AQP7B: variants seen among roughly 807,000 people sequenced by gnomAD.
AQP7B encodes aquaporin 7B.
At chr2:94,594,971 G>A in the AQP7B span, 3 of 686,632 alleles carry the variant, frequency 4.4e-6, no homozygotes, top group East Asian at 8.5e-5. Context: ...TCCATTCCTT[G>A]CCTCTGAGCT....
chr2:94,601,689 C>T, the AQP7B span, among the ~76,000 whole-genome samples: 4 of 152,014 alleles, frequency 2.6e-5, no homozygotes, highest in East Asian at 1.9e-4. Flanking sequence ...TGGAGAAGGA[C>T]GCTGGGCAGG....
At chr2:94,600,694 A>G in the AQP7B span, among the ~76,000 whole-genome samples, 1 of 152,176 alleles carries the variant, frequency 6.6e-6, no homozygotes, top group Non-Finnish European at 1.5e-5. Flanking sequence ...TCTGGCCAAC[A>G]TCGTGAAACC....
chr2:94,602,652 C>A, the AQP7B span: 8 of 1,555,870 alleles, frequency 5.1e-6, no homozygotes, highest in East Asian at 2.3e-5. Context: ...TGGGCAAGAC[C>A]AGGTGTCCCC....
chr2:94,602,983 T>A, the AQP7B span: 126 of 1,534,536 alleles, frequency 8.2e-5, no homozygotes, highest in Admixed American at 1.7e-4. Flanking sequence ...ATACTGTTTG[T>A]CACTGTTGTT....
At chr2:94,596,770 G>A in the AQP7B span, among the ~76,000 whole-genome samples, 1 of 152,162 alleles carries the variant, frequency 6.6e-6, no homozygotes, top group Non-Finnish European at 1.5e-5. Flanking sequence ...TACGATCTCA[G>A]CTCACTGCAG....
chr2:94,601,835 G>A, the AQP7B span, among the ~76,000 whole-genome samples: 1 of 152,112 alleles, frequency 6.6e-6, no homozygotes, highest in Non-Finnish European at 1.5e-5. Context: ...AGGGAACAGT[G>A]GCTCTAGACT....
the AQP7B span, chr2:94,594,970 TG>T: frequency 1.4e-6 from 1 of 701,792 alleles, no homozygotes; most frequent in South Asian, 2.1e-5. Flanking sequence ...GTCCATTCCT[TG>T]CCTCTGAGCT....
At chr2:94,603,372 T>G in the AQP7B span, 1 of 1,597,756 alleles carries the variant, frequency 6.3e-7, no homozygotes, top group African/African-American at 1.3e-5. Context: ...TGATAGTCTG[T>G]GTCTCCGCAG....
the AQP7B span, among the ~76,000 whole-genome samples, chr2:94,588,787 G>A: frequency 6.6e-6 from 1 of 151,142 alleles, no homozygotes; most frequent in Non-Finnish European, 1.5e-5. Context: ...GTCAAGGCAT[G>A]CAGGTGGCCT....
chr2:94,602,018 A>T, the AQP7B span, among the ~76,000 whole-genome samples: 51 of 139,946 alleles, frequency 3.6e-4, no homozygotes, highest in East Asian at 0.011. Flanking sequence ...ATTGCGGCGG[A>T]GTGTGTGTGT....
chr2:94,593,784 C>T, the AQP7B span, among the ~76,000 whole-genome samples: 11 of 151,968 alleles, frequency 7.2e-5, no homozygotes, highest in Non-Finnish European at 1.3e-4. Context: ...CCGGGCCCAG[C>T]CCCTCTTCTT....
chr2:94,594,697 C>T, the AQP7B span: 1 of 1,337,250 alleles, frequency 7.5e-7, no homozygotes, highest in Non-Finnish European at 1.1e-6. Flanking sequence ...GGGCAGCAGG[C>T]AAACTTGAGT....
chr2:94,592,333 C>A, the AQP7B span, among the ~76,000 whole-genome samples: 1 of 152,170 alleles, frequency 6.6e-6, no homozygotes. Flanking sequence ...AACAAAACAT[C>A]TTCCACTTTT....
At chr2:94,595,796 G>A in the AQP7B span, among the ~76,000 whole-genome samples, 3 of 152,114 alleles carry the variant, frequency 2.0e-5, no homozygotes, top group African/African-American at 7.2e-5. Context: ...TCTGGAGCAC[G>A]GGGCCCAGCA....
At chr2:94,603,413 T>A in the AQP7B span, 1 of 1,609,000 alleles carries the variant, frequency 6.2e-7, no homozygotes, top group East Asian at 2.2e-5. Context: ...GGTGGAGAGC[T>A]GATGGTGACC....
the AQP7B span, chr2:94,603,269 G>C: frequency 7.2e-7 from 1 of 1,393,618 alleles, no homozygotes; most frequent in South Asian, 1.3e-5. Context: ...GTAAAAAATA[G>C]CTGGGAGAAA....
the AQP7B span, among the ~76,000 whole-genome samples, chr2:94,593,031 C>G: frequency 2.0e-5 from 3 of 151,862 alleles, no homozygotes; most frequent in South Asian, 6.2e-4. Context: ...TTTTGTCATA[C>G]TGCCCAGGCT....
chr2:94,604,355 A>G, the AQP7B span: 18 of 1,611,384 alleles, frequency 1.1e-5, no homozygotes, highest in Admixed American at 1.7e-5. Flanking sequence ...AGGTGGCATC[A>G]TCTACCTGGT....
chr2:94,603,298 C>T, the AQP7B span: 22 of 1,459,318 alleles, frequency 1.5e-5, no homozygotes, highest in Middle Eastern at 1.8e-4. Flanking sequence ...GGAGCTCCCC[C>T]ACCCTCTAAC....
Sources: gnomAD v4.1 joint callset for allele counts (sites outside exome capture counted in the v4.1 genomes callset) on GRCh38, gnomAD v4.1.1 for gene constraint, MANE v1.5 for transcripts, NCBI Gene and HGNC (gene_info 2026-07-23, HGNC 2026-07-21) for gene names.